Variants in SDK1 observed in about 807,000 individuals in gnomAD.
SDK1 encodes the protein protein sidekick-1.
A neutral mutation model predicts 245.5 loss-of-function variants in SDK1; 157 were observed. The ratio of observed to expected loss-of-function variants is 0.64; its 90% CI spans 0.56 to 0.73. The LOEUF (loss-of-function observed/expected upper bound fraction) is 0.73. Among genes scored for constraint, SDK1 ranks in the 30% least tolerant of loss-of-function variants. SDK1 has a pLI of 0.00. For synonymous variants in SDK1, 1,647 were observed against 1,278.5 expected (o/e 1.29, Z -6.15); for missense variants, 3,583 against 3,002.3 (o/e 1.19, Z -4.52).
intron 1 of SDK1, among the ~76,000 whole-genome samples, chr7:3,388,160 C>T (rs1259436709): frequency 2.0e-5 from 3 of 152,098 alleles, no homozygotes; most frequent in African/African-American, 4.8e-5. Flanking sequence ...CTTCTCTAGT[C>T]TTCAGTTATT....
intron 1 of SDK1, among the ~76,000 whole-genome samples, chr7:3,330,513 A>G (rs1780040577): frequency 6.6e-6 from 1 of 152,142 alleles, no homozygotes; most frequent in Non-Finnish European, 1.5e-5. Flanking sequence ...CTTTGTAAGA[A>G]GAGAAAGAGA....
chr7:4,048,026 C>T (rs1789146307), intron 17 of SDK1, among the ~76,000 whole-genome samples: 1 of 152,142 alleles, frequency 6.6e-6, no homozygotes. Flanking sequence ...GAGGGTCCTC[C>T]TGCATGCCTG....
intron 4 of SDK1, among the ~76,000 whole-genome samples, chr7:3,671,335 A>G (rs1783695205): frequency 6.6e-6 from 1 of 152,228 alleles, no homozygotes; most frequent in Non-Finnish European, 1.5e-5. Context: ...AGTCTAGCCC[A>G]TCAGGGACAT....
chr7:3,989,184 G>A (rs2128140128), intron 14 of SDK1, among the ~76,000 whole-genome samples: 1 of 152,322 alleles, frequency 6.6e-6, no homozygotes, highest in African/African-American at 2.4e-5. Flanking sequence ...AGGTTTAATG[G>A]AGAACTCACA....
chr7:3,562,217 T>A (rs1779772129), intron 1 of SDK1, among the ~76,000 whole-genome samples: 1 of 152,214 alleles, frequency 6.6e-6, no homozygotes, highest in Admixed American at 6.5e-5. Context: ...CTCCAAGGAT[T>A]CCAGACCGTA....
chr7:3,505,408 C>T (rs963266893), intron 1 of SDK1, among the ~76,000 whole-genome samples: 2 of 152,072 alleles, frequency 1.3e-5, no homozygotes, highest in East Asian at 3.9e-4. Flanking sequence ...CATGCCACAT[C>T]TGGCCAGTTT....
Position 3,398,179 on chromosome 7 carries a change from G to A in SDK1, c.298+96295G>A, listed in dbSNP as rs78629476. Among the ~76,000 whole-genome samples the A allele has an allele frequency of 2.2e-3, 335 of 152,130 alleles. 1 individual carries two copies. The highest frequency in any genetic ancestry group is 7.1e-3 in the African/African-American group (293 of 41,532). On this transcript the variant is annotated intron_variant, in intron 1 of 44. Coordinates refer to ENST00000404826, the MANE Select transcript of SDK1 (RefSeq NM_152744.4). Reference sequence around the variant, plus strand: ...TAGGTTTCACAGGCTTTAGTTTCCCGTAGTATCCTTGCTTTTTTCTCCTTT... The same window carrying A: ...TAGGTTTCACAGGCTTTAGTTTCCCATAGTATCCTTGCTTTTTTCTCCTTT...
rs572190468 is a variant in SDK1, at chr7:3,969,495, G to A, written c.1714+71G>A. On this transcript the variant is annotated intron_variant, in intron 11 of 44. Coordinates refer to ENST00000404826, the MANE Select transcript of SDK1 (RefSeq NM_152744.4). ...AATCATCACGTCATCGTGTGCTTTGGGGATGTCAGCATGCCCTTGGGCTTG... is the reference window on the plus strand; with the variant it reads ...AATCATCACGTCATCGTGTGCTTTGAGGATGTCAGCATGCCCTTGGGCTTG... 7 of 1,252,088 alleles carry A rather than the reference G, an allele frequency of 5.6e-6. No individual in the cohort carries two copies. In the African/African-American group the frequency reaches 1.1e-4, roughly 19 times the overall value. 77.6% of individuals were successfully genotyped at this position (1,252,088 alleles called of 1,614,324 possible).
chr7:3,464,649 C>T (rs1780935113), intron 1 of SDK1, among the ~76,000 whole-genome samples: 1 of 151,192 alleles, frequency 6.6e-6, no homozygotes, highest in African/African-American at 2.4e-5. Context: ...ATAAATGAAG[C>T]ATGAAGCAAA....
chr7:3,756,442 C>G (rs1458547275), intron 4 of SDK1, among the ~76,000 whole-genome samples: 1 of 152,046 alleles, frequency 6.6e-6, no homozygotes, highest in Non-Finnish European at 1.5e-5. Flanking sequence ...CATGGCATAG[C>G]ACATGTGACA....
At chr7:4,150,706 A>C (rs1219540886) in intron 30 of SDK1, among the ~76,000 whole-genome samples, 1 of 152,042 alleles carries the variant, frequency 6.6e-6, no homozygotes, top group Non-Finnish European at 1.5e-5. Flanking sequence ...CCCTGGCCCC[A>C]CTCTGCCCTG....
At chr7:3,587,307 G>C (rs1780722794) in intron 1 of SDK1, among the ~76,000 whole-genome samples, 1 of 150,708 alleles carries the variant, frequency 6.6e-6, no homozygotes, top group African/African-American at 2.4e-5. Context: ...GAACGTGTGT[G>C]TGTGTGTGTG....
intron 1 of SDK1, among the ~76,000 whole-genome samples, chr7:3,434,178 C>G (rs182347693): frequency 5.9e-5 from 9 of 152,174 alleles, no homozygotes; most frequent in East Asian, 3.9e-4. Context: ...TTTTTGAAGG[C>G]TCAGTAGCTG....
intron 5 of SDK1, among the ~76,000 whole-genome samples, chr7:3,888,677 A>C (rs888053555): frequency 6.6e-6 from 1 of 152,236 alleles, no homozygotes; most frequent in African/African-American, 2.4e-5. Flanking sequence ...GATCTAATTT[A>C]GGTTAAAAGT....
chr7:3,594,613 C>A (rs1374459414), intron 1 of SDK1, among the ~76,000 whole-genome samples: 1 of 152,110 alleles, frequency 6.6e-6, no homozygotes, highest in Non-Finnish European at 1.5e-5. Flanking sequence ...AATTGTTTGT[C>A]TTTTTGATTC....
At chr7:3,860,143 C>T (rs1780655938) in intron 5 of SDK1, among the ~76,000 whole-genome samples, 2 of 152,070 alleles carry the variant, frequency 1.3e-5, no homozygotes, top group South Asian at 4.2e-4. Flanking sequence ...GATGGTCTCA[C>T]TCTCCTGACC....
intron 4 of SDK1, among the ~76,000 whole-genome samples, chr7:3,749,207 G>C (rs927871453): frequency 6.6e-6 from 1 of 152,064 alleles, no homozygotes; most frequent in African/African-American, 2.4e-5. Flanking sequence ...CATAATCTCT[G>C]CTCACTGCAA....
intron 5 of SDK1, among the ~76,000 whole-genome samples, chr7:3,843,059 G>A (rs572023927): frequency 1.3e-5 from 2 of 152,242 alleles, no homozygotes; most frequent in South Asian, 2.1e-4. Context: ...GTAATGAAGA[G>A]CCTGTGGCCG....
chr7:3,847,546 G>A (rs1042289284), intron 5 of SDK1, among the ~76,000 whole-genome samples: 1 of 152,196 alleles, frequency 6.6e-6, no homozygotes, highest in Non-Finnish European at 1.5e-5. Flanking sequence ...TGCAAAGCCG[G>A]CCTTCCTCCT....
Sources: gnomAD v4.1 joint callset for allele counts (sites outside exome capture counted in the v4.1 genomes callset) on GRCh38, gnomAD v4.1.1 for gene constraint, MANE v1.5 for transcripts, NCBI Gene and HGNC (gene_info 2026-07-23, HGNC 2026-07-21) for gene names.